CTNNA3: variants seen among roughly 807,000 people sequenced by gnomAD.
The protein encoded by CTNNA3 is catenin alpha-3.
CTNNA3 carries 76 observed loss-of-function variants against 95.7 expected under a neutral mutation model. The ratio of observed to expected loss-of-function variants is 0.79; its 90% CI spans 0.66 to 0.96. The LOEUF (loss-of-function observed/expected upper bound fraction) is 0.96, where lower values mean the gene tolerates loss of function less well. Ranked by LOEUF, CTNNA3 falls within the 40% of genes least tolerant of loss-of-function variation. CTNNA3 has a pLI of 0.00. For missense variants in CTNNA3, 1,191 were observed against 1,089.8 expected (o/e 1.09, Z -1.31); for synonymous variants, 431 against 374.4 (o/e 1.15, Z -1.74).
At chr10:66,251,993 C>T (rs1564812624) in intron 13 of CTNNA3, among the ~76,000 whole-genome samples, 1 of 152,090 alleles carries the variant, frequency 6.6e-6, no homozygotes, top group African/African-American at 2.4e-5. Context: ...ATACTCTTAA[C>T]CATTATTAAG....
chr10:67,057,457 ACT>A (rs893959558), intron 7 of CTNNA3, among the ~76,000 whole-genome samples: 1 of 151,262 alleles, frequency 6.6e-6, no homozygotes, highest in African/African-American at 2.4e-5. Context: ...CTACCCTTCT[ACT>A]CTCTGCTTCT....
intron 7 of CTNNA3, among the ~76,000 whole-genome samples, chr10:66,948,576 T>C (rs1470882584): frequency 1.3e-5 from 2 of 152,208 alleles, no homozygotes; most frequent in Admixed American, 6.5e-5. Flanking sequence ...GAGTCATTGA[T>C]TTATGGAGCT....
chr10:66,616,692 T>A (rs1844526879), intron 10 of CTNNA3, among the ~76,000 whole-genome samples: 1 of 152,052 alleles, frequency 6.6e-6, no homozygotes, highest in African/African-American at 2.4e-5. Context: ...CCTACGTGAA[T>A]TCAATTGTAC....
intron 6 of CTNNA3, among the ~76,000 whole-genome samples, chr10:67,198,675 G>A (rs190468805): frequency 3.3e-5 from 5 of 152,076 alleles, no homozygotes; most frequent in African/African-American, 9.7e-5. Flanking sequence ...ATAGGGTGTC[G>A]ATGCAAGACT....
At chr10:66,178,480 G>GAC (rs1340241525) in intron 13 of CTNNA3, among the ~76,000 whole-genome samples, 1 of 6,508 alleles carries the variant, frequency 1.5e-4, no homozygotes, top group Non-Finnish European at 2.9e-4. Context: ...TACATACACA[G>GAC]ACACACACAC....
At chr10:67,492,619 C>T (rs1284839305) in intron 5 of CTNNA3, among the ~76,000 whole-genome samples, 5 of 152,060 alleles carry the variant, frequency 3.3e-5, no homozygotes, top group South Asian at 2.1e-4. Flanking sequence ...TATGAAGAGG[C>T]GAAAGTCTAC....
At chr10:66,710,548 T>C (rs1002461404) in intron 9 of CTNNA3, among the ~76,000 whole-genome samples, 1 of 151,910 alleles carries the variant, frequency 6.6e-6, no homozygotes, top group East Asian at 1.9e-4. Flanking sequence ...ATCTTTGTGA[T>C]AATGAAGAAT....
intron 13 of CTNNA3, among the ~76,000 whole-genome samples, chr10:66,204,779 CT>C (rs2087657309): frequency 2.0e-5 from 3 of 152,180 alleles, no homozygotes; most frequent in African/African-American, 7.2e-5. Flanking sequence ...GGAACTACAG[CT>C]TATTCCTGCT....
rs1205803217 is a variant in CTNNA3, at chr10:67,186,030, A to C, written c.844-5510T>G. 3.4e-5 allele frequency among the ~76,000 whole-genome samples: 5 copies of C among 149,100 alleles called. No homozygotes were observed. The South Asian group carries it at 6.3e-4, about 19-fold the overall frequency. ...TACAGAGCAAGACTCCGTCTCACAA[A>C]AAAAAAAAAAAAAAAATTAAACCAT... On this transcript the variant is annotated intron_variant, in intron 6 of 17. Transcript: ENST00000433211.
chr10:66,382,458 C>T (rs1038145350), intron 11 of CTNNA3, among the ~76,000 whole-genome samples: 2 of 151,582 alleles, frequency 1.3e-5, no homozygotes, highest in African/African-American at 2.4e-5. Context: ...CCACCGAGCT[C>T]AACAAGGCCT....
chr10:67,418,514 TAA>T (rs71006149), intron 5 of CTNNA3, among the ~76,000 whole-genome samples: 1 of 144,240 alleles, frequency 6.9e-6, no homozygotes. Flanking sequence ...TATTTCACTG[TAA>T]AAAAAAAAAA....
chr10:66,530,514 C>A (rs1222678970), intron 10 of CTNNA3, among the ~76,000 whole-genome samples: 1 of 152,094 alleles, frequency 6.6e-6, no homozygotes, highest in African/African-American at 2.4e-5. Flanking sequence ...TGCTCTCATA[C>A]TATACTTCAT....
intron 13 of CTNNA3, among the ~76,000 whole-genome samples, chr10:66,182,459 G>A (rs2086098496): frequency 6.6e-6 from 1 of 151,982 alleles, no homozygotes; most frequent in Non-Finnish European, 1.5e-5. Context: ...GTTTCACCAT[G>A]TTAGCCAGGA....
intron 17 of CTNNA3, among the ~76,000 whole-genome samples, chr10:65,934,298 T>C (rs1398943151): frequency 9.9e-5 from 15 of 152,180 alleles, no homozygotes; most frequent in Admixed American, 9.8e-4. Context: ...TCTAACCATC[T>C]TGGTAACTTC....
chr10:66,021,844 G>T, intron 15 of CTNNA3, among the ~76,000 whole-genome samples: 1 of 54,572 alleles, frequency 1.8e-5, no homozygotes, highest in East Asian at 1.9e-3. Flanking sequence ...CCATATACAG[G>T]ATCTTGGCTT....
intron 12 of CTNNA3, among the ~76,000 whole-genome samples, chr10:66,371,484 T>G (rs923230023): frequency 2.6e-5 from 4 of 152,166 alleles, no homozygotes; most frequent in African/African-American, 7.2e-5. Context: ...TTTAAAGGTT[T>G]CATAAACCAT....
intron 13 of CTNNA3, among the ~76,000 whole-genome samples, chr10:66,174,991 A>G (rs1330423445): frequency 6.6e-6 from 1 of 152,178 alleles, no homozygotes; most frequent in Non-Finnish European, 1.5e-5. Flanking sequence ...AAATATATGT[A>G]AATGATAATC....
chr10:67,312,263 G>T (rs1004145388), intron 5 of CTNNA3, among the ~76,000 whole-genome samples: 9 of 151,960 alleles, frequency 5.9e-5, no homozygotes, highest in Admixed American at 2.6e-4. Context: ...GGTAGAGACG[G>T]GGTATCACCA....
intron 7 of CTNNA3, among the ~76,000 whole-genome samples, chr10:66,899,006 C>T (rs1351687879): frequency 1.3e-5 from 2 of 152,180 alleles, no homozygotes; most frequent in Non-Finnish European, 2.9e-5. Flanking sequence ...GGAACCCCTA[C>T]AATTCAACAG....
Sources: allele counts gnomAD v4.1 joint callset (sites outside exome capture counted in the v4.1 genomes callset), GRCh38; gene constraint gnomAD v4.1.1; transcripts MANE v1.5; gene names NCBI Gene and HGNC (gene_info 2026-07-23, HGNC 2026-07-21).